FAM53A: variants seen among roughly 807,000 people sequenced by gnomAD.
The protein encoded by FAM53A is protein FAM53A.
A neutral mutation model predicts 26.6 loss-of-function variants in FAM53A; 28 were observed. That is an observed-to-expected ratio of 1.05 (90% CI 0.78 to 1.45). The LOEUF (loss-of-function observed/expected upper bound fraction) is 1.45, where lower values mean the gene tolerates loss of function less well. FAM53A is among the 40% of genes most tolerant of loss of function. The probability of loss-of-function intolerance (pLI) is 0.00; values close to 1 mark genes in which losing one functional copy is unlikely to be tolerated. For synonymous variants in FAM53A, 290 were observed against 253.1 expected, an observed-to-expected ratio of 1.15 and a Z score of -1.38; for missense variants, 650 against 575.8, an observed-to-expected ratio of 1.13 and a Z score of -1.32.
At position 1,640,657 on chromosome 4, in the gene FAM53A, GC is replaced by G; in HGVS notation, c.*635del. ...AGGGCAGGTGCCGGCAGCAGCCATGGCCCCGACCAGCTCACATGAAACCTAG... is the reference window on the plus strand; with the variant it reads ...AGGGCAGGTGCCGGCAGCAGCCATGGCCCGACCAGCTCACATGAAACCTAG... On this transcript the variant is annotated 3_prime_UTR_variant, in exon 5 of 5. Transcript: ENST00000308132. 2 of 363,592 alleles carry G rather than the reference GC, an allele frequency of 5.5e-6. No homozygotes were observed. The highest frequency in any genetic ancestry group is 4.3e-5 in the South Asian group (2 of 46,780). 22.5% of individuals were successfully genotyped at this position (363,592 alleles called of 1,614,324 possible).
intron 1 of FAM53A, among the ~76,000 whole-genome samples, chr4:1,670,748 G>A (rs891252205): frequency 1.1e-4 from 16 of 152,196 alleles, no homozygotes; most frequent in Admixed American, 4.6e-4. Flanking sequence ...CACAGCAGTG[G>A]CTCCATTCAA....
At chr4:1,668,158 T>TTC (rs1553810633) in intron 2 of FAM53A, among the ~76,000 whole-genome samples, 2 of 151,568 alleles carry the variant, frequency 1.3e-5, no homozygotes, top group African/African-American at 4.8e-5. Context: ...CTTTTTTTTT[T>TTC]TGAGACGGAG....
chr4:1,665,709 C>T (rs991384430), intron 2 of FAM53A, among the ~76,000 whole-genome samples: 4 of 152,142 alleles, frequency 2.6e-5, no homozygotes, highest in Non-Finnish European at 5.9e-5. Context: ...GATGGAACCC[C>T]CGTGACCACT....
the FAM53A span, among the ~76,000 whole-genome samples, chr4:1,601,592 C>T: frequency 1.8e-5 from 2 of 111,954 alleles, no homozygotes; most frequent in East Asian, 2.1e-4. Context: ...ATCTGCCATG[C>T]GCCCCATCTG....
In FAM53A at chr4:1,668,921, G is replaced by C; in HGVS notation, c.-164-16C>G. On this transcript the variant is annotated splice_polypyrimidine_tract_variant and intron_variant, in intron 1 of 4. Transcript: ENST00000308132. The stretch of plus-strand genomic sequence containing the variant: ...GGATTTGTGCCTGTTTCTCAGAAGA[G>C]AGAAATCATCATGTGATTATACGCA... 1 of 565,894 alleles carries C rather than the reference G, an allele frequency of 1.8e-6. No homozygotes were observed. The highest frequency in any genetic ancestry group is 3.1e-6 in the Non-Finnish European group (1 of 319,318). 35.1% of individuals were successfully genotyped at this position (565,894 alleles called of 1,614,324 possible). A position where few individuals can be genotyped will look rare whatever the true frequency, so the allele number is the denominator to read the frequency against.
chr4:1,574,930 T>C, the FAM53A span, among the ~76,000 whole-genome samples: 1 of 152,206 alleles, frequency 6.6e-6, no homozygotes, highest in Non-Finnish European at 1.5e-5. Flanking sequence ...TGTCAACACA[T>C]GACATTGAGG....
chr4:1,596,024 C>T, the FAM53A span, among the ~76,000 whole-genome samples: 4 of 152,224 alleles, frequency 2.6e-5, no homozygotes, highest in Non-Finnish European at 5.9e-5. Context: ...CAAGAGTGGC[C>T]GTCCAGCCTC....
intron 1 of FAM53A, among the ~76,000 whole-genome samples, chr4:1,633,009 C>T (rs527889829): frequency 1.1e-4 from 14 of 132,112 alleles, no homozygotes; most frequent in African/African-American, 4.9e-4. Context: ...CTCGTGCTCA[C>T]ACGCATAGGT....
At chr4:1,646,105 C>CTTTTTTT (rs776533410) in intron 4 of FAM53A, among the ~76,000 whole-genome samples, 1 of 145,644 alleles carries the variant, frequency 6.9e-6, no homozygotes, top group African/African-American at 2.5e-5. Context: ...CTCCAGAACT[C>CTTTTTTT]TTTTTTTTTT....
At chr4:1,664,334 G>A (rs1204099068) in intron 2 of FAM53A, among the ~76,000 whole-genome samples, 1 of 152,146 alleles carries the variant, frequency 6.6e-6, no homozygotes, top group African/African-American at 2.4e-5. Flanking sequence ...AAGGAGCCCT[G>A]AGCTAACAGC....
intron 1 of FAM53A, among the ~76,000 whole-genome samples, chr4:1,632,815 C>T (rs1185572439): frequency 2.6e-5 from 4 of 152,252 alleles, no homozygotes; most frequent in Non-Finnish European, 4.4e-5. Flanking sequence ...CCCATGTGCA[C>T]ACAGACCCAC....
chr4:1,679,386 C>CAA lies in FAM53A; in HGVS notation c.-165+4845_-165+4846dup, dbSNP rs34354638. 7.1e-3 allele frequency among the ~76,000 whole-genome samples: 431 copies of CAA among 60,908 alleles called. 10 individuals are homozygous for CAA. The highest frequency in any genetic ancestry group is 8.3e-3 in the African/African-American group (124 of 14,978). The allele number at this position is 60,908 out of a possible 152,430, so 40.0% of individuals were successfully genotyped here. A position where few individuals can be genotyped will look rare whatever the true frequency, so the allele number is the denominator to read the frequency against. ...AGGTGACAGGGTGAGACCATGTCTC[C>CAA]AAAAAAAAAAAAAAAAAAAAGGCCA... On this transcript the variant is annotated intron_variant, in intron 1 of 4. Coordinates refer to ENST00000308132, the MANE Select transcript of FAM53A (RefSeq NM_001174070.3).
chr4:1,618,218 C>A (rs553323604), intron 1 of FAM53A: 2 of 451,200 alleles, frequency 4.4e-6, no homozygotes, highest in East Asian at 1.4e-4. Context: ...GCCTTGAGCC[C>A]GAAGGCCCAT....
chr4:1,629,438 G>C (rs1029436737), intron 1 of FAM53A, among the ~76,000 whole-genome samples: 2 of 152,218 alleles, frequency 1.3e-5, no homozygotes, highest in Non-Finnish European at 2.9e-5. Context: ...AGTCAGTCCT[G>C]GGCCTCGACT....
chr4:1,590,402 T>TTTTTTG, the FAM53A span, among the ~76,000 whole-genome samples: 2 of 152,150 alleles, frequency 1.3e-5, no homozygotes, highest in Non-Finnish European at 2.9e-5. Flanking sequence ...GGGTGCTCCC[T>TTTTTTG]CATTTGATGC....
At chr4:1,663,852 A>G (rs1274511387) in intron 2 of FAM53A, among the ~76,000 whole-genome samples, 1 of 152,132 alleles carries the variant, frequency 6.6e-6, no homozygotes, top group African/African-American at 2.4e-5. Context: ...AAAAAAAAAA[A>G]AAAAAGCTAA....
the FAM53A span, among the ~76,000 whole-genome samples, chr4:1,586,825 T>C: frequency 1.3e-5 from 2 of 150,706 alleles, no homozygotes; most frequent in Admixed American, 6.6e-5. Context: ...TGCTGAATCA[T>C]GTGGTGGTCT....
intron 3 of FAM53A, 66 bp downstream of exon 3, chr4:1,657,342 C>G: frequency 6.8e-7 from 1 of 1,464,616 alleles, no homozygotes; most frequent in Non-Finnish European, 9.4e-7. Flanking sequence ...GTCCAGGACC[C>G]TCCCAGCCCA....
chr4:1,632,319 G>A (rs990145101), intron 1 of FAM53A, among the ~76,000 whole-genome samples: 4 of 152,200 alleles, frequency 2.6e-5, no homozygotes, highest in Admixed American at 2.0e-4. Context: ...ACAGAGAAAC[G>A]ACCACGTGCA....
Sources: gnomAD v4.1 joint callset for allele counts (sites outside exome capture counted in the v4.1 genomes callset) on GRCh38, gnomAD v4.1.1 for gene constraint, MANE v1.5 for transcripts, NCBI Gene and HGNC (gene_info 2026-07-23, HGNC 2026-07-21) for gene names.